The following THUMPD3 variants were observed in gnomAD, a reference collection of about 807,000 sequenced individuals.
THUMPD3 encodes the protein tRNA (guanine(6)-N(2))-methyltransferase THUMP3.
A neutral mutation model predicts 54.5 loss-of-function variants in THUMPD3; 44 were observed. That is an observed-to-expected ratio of 0.81 (90% confidence interval 0.63 to 1.04). The LOEUF (loss-of-function observed/expected upper bound fraction) is 1.04, where lower values mean the gene tolerates loss of function less well. THUMPD3 is among the 50% of genes least tolerant of loss of function. The probability of loss-of-function intolerance (pLI) is 0.00; values close to 1 mark genes in which losing one functional copy is unlikely to be tolerated. For missense variants in THUMPD3, 604 were observed against 601.3 expected (o/e 1.00, Z -0.05); for synonymous variants, 196 against 201.4 (o/e 0.97, Z 0.23).
Position 9,380,517 on chromosome 3 carries a change from G to A in THUMPD3, c.1023G>A (p.Trp341Ter). The change falls in exon 7 of 10, where the codon TGG (tryptophan) becomes TGA (stop). Residue 341 changes from tryptophan (W) to a stop codon, truncating the protein, a stop_gained. Transcript: ENST00000452837. LOFTEE classifies it high-confidence loss of function. ...TTATCTTTTAGGGGGCCACTGAATG[G>A]TCTGACTGTTTCCATATTGCTGGTG... ...GAIPIEGATE[W>*]SDCFHIAGDN... 6.2e-7 allele frequency: 1 copy of A among 1,611,434 alleles called. No individual in the cohort carries two copies. The highest frequency in any genetic ancestry group is 2.2e-5 in the East Asian group (1 of 44,812).
chr3:9,377,714 T>C, intron 5 of THUMPD3, 105 bp from the exon 6 acceptor site: 1 of 815,490 alleles, frequency 1.2e-6, no homozygotes, highest in Non-Finnish European at 2.0e-6. Context: ...TGGTGTTCCT[T>C]CGGGCTAGTG....
Position 9,384,584 on chromosome 3 carries a change from G to C in THUMPD3, c.1420G>C (p.Gly474Arg). Residue 474 changes from glycine (G) to arginine (R), a missense_variant, in exon 10 of 10, where the codon GGT becomes CGT. Physicochemically the swap from Gly to Arg is moderately radical, Grantham distance 125. Transcript: ENST00000452837. ...GGATACAGTCTGGGTGAACGTTGGT[G>C]GTCTTCGTGCTGCAGTTTACGTTCT... is the stretch of plus-strand genomic sequence containing the variant. ...KVDTVWVNVG[G>R]LRAAVYVLIR... The C allele has an allele frequency of 6.2e-7, 1 of 1,614,156 alleles. No homozygotes were observed. Among genetic ancestry groups the C allele is most frequent in the South Asian group, 1.1e-5 (1 of 91,082 alleles).
rs191827801 is a variant in THUMPD3 at position 9,373,287 on chromosome 3, G to A, written c.808-1229G>A. ...ATTGGAGGATTGTTTCAGGCCAGGA[G>A]TTCTAGACCAGCCTAGGCGACATAG... is the stretch of plus-strand genomic sequence containing the variant. On this transcript the variant is annotated intron_variant, in intron 4 of 9. Transcript: ENST00000452837. 4.5e-4 allele frequency among the ~76,000 whole-genome samples: 68 copies of A among 151,966 alleles called. No homozygotes were observed. The East Asian group carries it at 4.6e-3, about 10-fold the overall frequency.
At chr3:9,381,420 C>CGGG (rs2032883526) in intron 7 of THUMPD3, among the ~76,000 whole-genome samples, 1 of 152,158 alleles carries the variant, frequency 6.6e-6, no homozygotes, top group African/African-American at 2.4e-5. Context: ...TAACACAGAT[C>CGGG]TGATTTAGTA....
At chr3:9,376,945 A>G (rs73026947) in intron 5 of THUMPD3, among the ~76,000 whole-genome samples, 3 of 152,328 alleles carry the variant, frequency 2.0e-5, no homozygotes, top group Non-Finnish European at 4.4e-5. Context: ...TAATGCATGG[A>G]AAGAGCTTAA....
At chr3:9,363,538 C>CA (rs1553584760) in intron 1 of THUMPD3, 2 of 152,220 alleles carry the variant, frequency 1.3e-5, no homozygotes, top group African/African-American at 4.8e-5. Context: ...ATTCTGTACT[C>CA]AATTAAGTTA....
rs2033298825 is a variant in THUMPD3 at position 9,385,940 on chromosome 3, T to C, written c.*1252T>C. ...GGTGCTTCCCTGGAACAAAGAGTAG[T>C]TGAGGTTTTTTTGTGGAACTCATCA... On this transcript the variant is annotated 3_prime_UTR_variant, in exon 10 of 10. Coordinates refer to ENST00000452837, the MANE Select transcript of THUMPD3 (RefSeq NM_001114092.2). 1 of 152,230 alleles carries C rather than the reference T, an allele frequency of 6.6e-6. No individual in the cohort carries two copies. Among genetic ancestry groups the C allele is most frequent in the African/African-American group, 2.4e-5 (1 of 41,454 alleles). 9.4% of individuals were successfully genotyped at this position (152,230 alleles called of 1,614,324 possible). A position where few individuals can be genotyped will look rare whatever the true frequency, so the allele number is the denominator to read the frequency against.
At position 9,383,245 on chromosome 3, in the gene THUMPD3, T is replaced by C; in HGVS notation, c.1171T>C (p.Cys391Arg). Reference protein sequence around the residue: ...LPIDAVQWDICNLPLRTGSVD... With the variant: ...LPIDAVQWDIRNLPLRTGSVD... ...CATAGATGCTGTTCAGTGGGATATC[T>C]GCAATCTGCCATTGAGAACTGGCTC... The change falls in exon 8 of 10, where the codon TGC (cysteine) becomes CGC (arginine). Residue 391 changes from cysteine to arginine, a missense_variant. Physicochemically the swap from Cys to Arg is radical, Grantham distance 180. Coordinates refer to ENST00000452837, the MANE Select transcript of THUMPD3 (RefSeq NM_001114092.2). 1 of 1,614,170 alleles carries C rather than the reference T, an allele frequency of 6.2e-7. No individual in the cohort carries two copies. Among genetic ancestry groups the C allele is most frequent in the Non-Finnish European group, 8.5e-7 (1 of 1,179,984 alleles).
chr3:9,384,794 T>C lies in THUMPD3; in HGVS notation c.*106T>C, dbSNP rs1575090538. 2.8e-5 allele frequency: 36 copies of C among 1,263,712 alleles called. No individual in the cohort carries two copies. The highest frequency in any genetic ancestry group is 4.0e-5 in the Non-Finnish European group (36 of 907,712). 78.3% of individuals were successfully genotyped at this position (1,263,712 alleles called of 1,614,324 possible). ...AACTGCAGTCTGCACTCTTTAAACC[T>C]GTTTAAGGCTCTTCATCCTGGTTAG... On this transcript the variant is annotated 3_prime_UTR_variant, in exon 10 of 10. Transcript: ENST00000452837.
At chr3:9,376,963 C>T (rs529058963) in intron 5 of THUMPD3, among the ~76,000 whole-genome samples, 61 of 152,168 alleles carry the variant, frequency 4.0e-4, no homozygotes, top group African/African-American at 1.4e-3. Flanking sequence ...TAAGTCCATG[C>T]CCAGGAAATA....
In THUMPD3 at chr3:9,386,231, A is replaced by G. The variant is rs951643369; in HGVS notation, c.*1543A>G. The G allele has an allele frequency of 5.3e-5, 8 of 152,208 alleles. No individual in the cohort carries two copies. The highest frequency in any genetic ancestry group is 2.1e-4 in the South Asian group (1 of 4,836). 9.4% of individuals were successfully genotyped at this position (152,208 alleles called of 1,614,324 possible). ...ATCCTAGACTGGCCTTTTTACCACT[A>G]TCAGAATTCACAGCTGCTTTGTTTA... On this transcript the variant is annotated 3_prime_UTR_variant, in exon 10 of 10. Transcript: ENST00000452837.
At chr3:9,371,860 T>C (rs1258979907) in intron 4 of THUMPD3, among the ~76,000 whole-genome samples, 1 of 152,176 alleles carries the variant, frequency 6.6e-6, no homozygotes, top group Non-Finnish European at 1.5e-5. Context: ...ATGGAAGCCA[T>C]CAAGGTTGAG....
rs1421394504 is a variant in THUMPD3, at chr3:9,382,072, T to C, written c.1125-1127T>C. Among the ~76,000 whole-genome samples the C allele has an allele frequency of 3.3e-5, 5 of 152,198 alleles. No homozygotes were observed. The South Asian group carries it at 6.2e-4, about 19-fold the overall frequency. ...TGCTGGGATTACAGGCATGAGCCAC[T>C]GTGCCCGGCCTCAACCTGTACATTT... On this transcript the variant is annotated intron_variant, in intron 7 of 9. Transcript: ENST00000452837.
In THUMPD3 at chr3:9,385,945, G is replaced by GT. The variant is rs1345852088; in HGVS notation, c.*1264dup. ...TTCCCTGGAACAAAGAGTAGTTGAGGTTTTTTTGTGGAACTCATCATAGTA... is the reference window on the plus strand; with the variant it reads ...TTCCCTGGAACAAAGAGTAGTTGAGGTTTTTTTTGTGGAACTCATCATAGTA... On this transcript the variant is annotated 3_prime_UTR_variant, in exon 10 of 10. Transcript: ENST00000452837. 1 of 152,136 alleles carries GT rather than the reference G, an allele frequency of 6.6e-6. No individual in the cohort carries two copies. The highest frequency in any genetic ancestry group is 1.5e-5 in the Non-Finnish European group (1 of 68,028). The allele number at this position is 152,136 out of a possible 1,614,324, so 9.4% of individuals were successfully genotyped here.
chr3:9,383,887 G>A (rs2033116937), intron 8 of THUMPD3, among the ~76,000 whole-genome samples: 1 of 152,154 alleles, frequency 6.6e-6, no homozygotes, highest in South Asian at 2.1e-4. Flanking sequence ...CTCCCAAACT[G>A]CTGGGATTAC....
At chr3:9,381,381 T>A (rs576950392) in intron 7 of THUMPD3, among the ~76,000 whole-genome samples, 1 of 152,366 alleles carries the variant, frequency 6.6e-6, no homozygotes, top group Non-Finnish European at 1.5e-5. Context: ...CAAACATTAA[T>A]GTACATGTGA....
At chr3:9,373,104 T>A (rs1273620706) in intron 4 of THUMPD3, among the ~76,000 whole-genome samples, 6 of 151,602 alleles carry the variant, frequency 4.0e-5, no homozygotes, top group Non-Finnish European at 8.8e-5. Flanking sequence ...ATAAATATTT[T>A]AAAAAATAAA....
chr3:9,383,483 C>T (rs2033079324), intron 8 of THUMPD3, among the ~76,000 whole-genome samples, 174 bp downstream of exon 8: 1 of 152,144 alleles, frequency 6.6e-6, no homozygotes, highest in African/African-American at 2.4e-5. Context: ...AATGTATTAA[C>T]TACATTTGGA....
At chr3:9,368,249 G>T (rs1469715562) in intron 3 of THUMPD3, among the ~76,000 whole-genome samples, 4 of 152,002 alleles carry the variant, frequency 2.6e-5, no homozygotes, top group African/African-American at 9.6e-5. Context: ...GCCCAGGCTG[G>T]TCTCAAACTT....
Sources: allele counts gnomAD v4.1 joint callset (sites outside exome capture counted in the v4.1 genomes callset), GRCh38; gene constraint gnomAD v4.1.1; transcripts MANE v1.5; gene names NCBI Gene and HGNC (gene_info 2026-07-23, HGNC 2026-07-21).